Variants in SLA observed in about 807,000 individuals in gnomAD.
The protein encoded by SLA is src-like-adapter.
A neutral mutation model predicts 30.3 loss-of-function variants in SLA; 16 were observed. That is an observed-to-expected ratio of 0.53 (90% CI 0.36 to 0.80). The LOEUF (loss-of-function observed/expected upper bound fraction) is 0.80, where lower values mean the gene tolerates loss of function less well. Ranked by LOEUF, SLA falls within the 30% of genes least tolerant of loss-of-function variation. SLA has a pLI of 0.01. For missense variants in SLA, 310 were observed against 345.2 expected, an observed-to-expected ratio of 0.90 and a Z score of 0.81; for synonymous variants, 143 against 137.8, an observed-to-expected ratio of 1.04 and a Z score of -0.26.
intron 3 of SLA, among the ~76,000 whole-genome samples, chr8:133,054,157 C>T (rs1840926278): frequency 6.6e-6 from 1 of 152,110 alleles, no homozygotes; most frequent in Admixed American, 6.5e-5. Context: ...GACATATTAT[C>T]ATCTACTCCT....
intron 1 of SLA, among the ~76,000 whole-genome samples, chr8:133,084,836 G>A (rs750951722): frequency 7.2e-5 from 11 of 152,236 alleles, no homozygotes; most frequent in East Asian, 1.9e-4. Flanking sequence ...ATGGACTGCC[G>A]TGCCTGTCAA....
At chr8:133,046,473 TA>T (rs1358051673) in intron 6 of SLA, 1 of 152,106 alleles carries the variant, frequency 6.6e-6, no homozygotes, top group African/African-American at 2.4e-5. Flanking sequence ...AGCCTTCCCG[TA>T]AGGTCAGCAG....
intron 1 of SLA, chr8:133,096,379 C>G: frequency 1.2e-6 from 2 of 1,614,096 alleles, no homozygotes; most frequent in Non-Finnish European, 1.7e-6. Flanking sequence ...TGAAGGTAAG[C>G]AGGGAGGGGG....
intron 1 of SLA, among the ~76,000 whole-genome samples, chr8:133,078,842 G>A (rs1315849037): frequency 2.6e-5 from 4 of 152,234 alleles, no homozygotes; most frequent in Non-Finnish European, 5.9e-5. Flanking sequence ...TTCTCAGGTA[G>A]AGCATGAATG....
chr8:133,092,260 A>G (rs774336919), intron 1 of SLA, among the ~76,000 whole-genome samples: 1 of 152,230 alleles, frequency 6.6e-6, no homozygotes, highest in African/African-American at 2.4e-5. Context: ...CGAAGCAACT[A>G]CAGTGACTAA....
chr8:133,095,844 T>C (rs1848320291), intron 1 of SLA, among the ~76,000 whole-genome samples: 1 of 152,234 alleles, frequency 6.6e-6, no homozygotes, highest in East Asian at 1.9e-4. Flanking sequence ...CAGGCTAATT[T>C]GATCATAGCT....
intron 3 of SLA, among the ~76,000 whole-genome samples, chr8:133,059,544 A>G (rs566055315): frequency 1.3e-5 from 2 of 152,238 alleles, no homozygotes; most frequent in African/African-American, 4.8e-5. Context: ...CTGCAATATT[A>G]GGCTCTTCCC....
At chr8:133,089,923 C>G (rs1465091864) in intron 1 of SLA, 1 of 152,166 alleles carries the variant, frequency 6.6e-6, no homozygotes, top group African/African-American at 2.4e-5. Flanking sequence ...TCTGGGCCAC[C>G]CTAGTGCCCA....
chr8:133,100,408 A>G (rs1052096589), intron 1 of SLA, among the ~76,000 whole-genome samples: 2 of 152,208 alleles, frequency 1.3e-5, no homozygotes, highest in African/African-American at 4.8e-5. Flanking sequence ...TGAAACTGCT[A>G]TATCTCTGGT....
intron 4 of SLA, chr8:133,050,500 C>T (rs1277244956): frequency 2.8e-5 from 8 of 282,616 alleles, no homozygotes; most frequent in Admixed American, 1.9e-4. Flanking sequence ...TCCCGGTCTT[C>T]ATTCCTACAT....
At chr8:133,040,612 A>G (rs1201760473) in intron 7 of SLA, among the ~76,000 whole-genome samples, 1 of 152,170 alleles carries the variant, frequency 6.6e-6, no homozygotes, top group Non-Finnish European at 1.5e-5. Context: ...GTGCATTTAC[A>G]ATGGAACAGG....
chr8:133,094,902 T>G, intron 1 of SLA: 4 of 1,080,252 alleles, frequency 3.7e-6, no homozygotes, highest in African/African-American at 1.5e-5. Flanking sequence ...TATCTTCCCA[T>G]TGTGTGCAGC....
intron 1 of SLA, among the ~76,000 whole-genome samples, chr8:133,091,643 T>A (rs549983623): frequency 1.2e-4 from 19 of 152,174 alleles, no homozygotes; most frequent in African/African-American, 4.6e-4. Context: ...TGTGTGTATC[T>A]TTGAGTATGT....
chr8:133,041,026 G>A (rs1838122381), intron 7 of SLA, among the ~76,000 whole-genome samples: 1 of 152,190 alleles, frequency 6.6e-6, no homozygotes, highest in South Asian at 2.1e-4. Context: ...CTTCTCCCTA[G>A]CCCATGTTAT....
chr8:133,049,729 G>A, intron 5 of SLA, 173 bp downstream of exon 5: 1 of 611,698 alleles, frequency 1.6e-6, no homozygotes, highest in South Asian at 1.9e-5. Flanking sequence ...GAGCAGAAGA[G>A]ATAAGTTAGC....
At chr8:133,049,763 G>A (rs980181169) in intron 5 of SLA, 139 bp downstream of exon 5, 3 of 672,434 alleles carry the variant, frequency 4.5e-6, no homozygotes, top group African/African-American at 3.6e-5. Context: ...TTTCCTTATT[G>A]ACTGGGTTGG....
At chr8:133,060,422 G>A in intron 2 of SLA, 1 of 1,465,628 alleles carries the variant, frequency 6.8e-7, no homozygotes. Context: ...GAGGGAAGTT[G>A]CTAGCAAATG....
chr8:133,050,935 G>A lies in SLA; in HGVS notation c.62-20C>T. 6.8e-7 allele frequency: 1 copy of A among 1,461,358 alleles called. No homozygotes were observed. Among genetic ancestry groups the A allele is most frequent in the Non-Finnish European group, 9.6e-7 (1 of 1,041,006 alleles). The allele number at this position is 1,461,358 out of a possible 1,614,324, so 90.5% of individuals were successfully genotyped here. A position where few individuals can be genotyped will look rare whatever the true frequency, so the allele number is the denominator to read the frequency against. Reference sequence around the variant, plus strand: ...CCAGTCCTGGGGAAACAAAGGCAAGGGGGAAGGGGGCAAGGTGCTTTTTAT... The same window carrying A: ...CCAGTCCTGGGGAAACAAAGGCAAGAGGGAAGGGGGCAAGGTGCTTTTTAT... On this transcript the variant is annotated intron_variant, in intron 3 of 8. Transcript: ENST00000338087.
intron 1 of SLA, among the ~76,000 whole-genome samples, chr8:133,093,699 G>A (rs1306752142): frequency 6.6e-6 from 1 of 152,124 alleles, no homozygotes; most frequent in Non-Finnish European, 1.5e-5. Flanking sequence ...CCCTTCTTGA[G>A]CTTGACAATA....
Sources: gnomAD v4.1 joint callset for allele counts (sites outside exome capture counted in the v4.1 genomes callset) on GRCh38, gnomAD v4.1.1 for gene constraint, MANE v1.5 for transcripts, NCBI Gene and HGNC (gene_info 2026-07-23, HGNC 2026-07-21) for gene names.